The following PACS2 variants were observed in gnomAD, a reference collection of about 807,000 sequenced individuals.
PACS2 encodes PACS1-like protein.
Under a neutral mutation model 113.0 loss-of-function variants are expected in PACS2, and 36 were observed. That is an observed-to-expected ratio of 0.32 (90% CI 0.24 to 0.42). PACS2 has a LOEUF of 0.42. Among genes scored for constraint, PACS2 ranks in the 10% least tolerant of loss-of-function variants. The pLI is 1.00. For missense variants in PACS2, 1,015 were observed against 1,239.5 expected, an observed-to-expected ratio of 0.82 and a Z score of 2.72; for synonymous variants, 589 against 536.1, an observed-to-expected ratio of 1.10 and a Z score of -1.36.
Position 105,340,774 on chromosome 14 carries a change from G to T in PACS2, c.120-7719G>T, listed in dbSNP as rs1478495251. Among the ~76,000 whole-genome samples the T allele has an allele frequency of 1.3e-5, 2 of 152,340 alleles. No homozygotes were observed. Among genetic ancestry groups the T allele is most frequent in the East Asian group, 3.9e-4 (2 of 5,172 alleles). On this transcript the variant is annotated intron_variant, in intron 1 of 24. Coordinates refer to ENST00000447393, the MANE Select transcript of PACS2 (RefSeq NM_001100913.3). The surrounding 1 kb of genome is among the most constrained non-coding windows in gnomAD (Gnocchi z 4.2). Reference sequence around the variant, plus strand: ...GTGGTGCAGGTGTCCATGGTCCAGGGCTGGCCAGGGGCATCTCCTGTCCTG... The same window carrying T: ...GTGGTGCAGGTGTCCATGGTCCAGGTCTGGCCAGGGGCATCTCCTGTCCTG...
upstream of PACS2, among the ~76,000 whole-genome samples, chr14:105,313,335 C>T (rs2058403779): frequency 6.6e-6 from 1 of 152,236 alleles, no homozygotes; most frequent in Non-Finnish European, 1.5e-5. Flanking sequence ...TGGACATAGT[C>T]ACTTCTCCCC....
intron 1 of PACS2, among the ~76,000 whole-genome samples, chr14:105,307,539 C>A (rs587709684): frequency 6.6e-6 from 1 of 152,240 alleles, no homozygotes; most frequent in South Asian, 2.1e-4. Flanking sequence ...CTTTCAAAGG[C>A]GGTTGTCTCT....
At position 105,330,825 on chromosome 14, in the gene PACS2, G is replaced by A. The variant is rs587773351; in HGVS notation, c.119+15788G>A. 6.6e-6 allele frequency among the ~76,000 whole-genome samples: 1 copy of A among 152,324 alleles called. No homozygotes were observed. The highest frequency in any genetic ancestry group is 2.4e-5 in the African/African-American group (1 of 41,580). ...CCTCAAATCCTGCTTTTTGCCTTAAGTGCGTTCCCAATTCCATCTCTGTGC... is the reference window on the plus strand; with the variant it reads ...CCTCAAATCCTGCTTTTTGCCTTAAATGCGTTCCCAATTCCATCTCTGTGC... On this transcript the variant is annotated intron_variant, in intron 1 of 24. Transcript: ENST00000447393. This position sits in a 1 kb window ranked among gnomAD's most constrained non-coding sequence, Gnocchi z 6.9.
chr14:105,324,696 G>T lies in PACS2; in HGVS notation c.119+9659G>T, dbSNP rs1566903518. Among the ~76,000 whole-genome samples the T allele has an allele frequency of 6.6e-6, 1 of 152,214 alleles. No homozygotes were observed. Reference sequence around the variant, plus strand: ...CGTCAGCAGCTCCTCGAGGGCTCCGGCCTGTGGAGGCCGGTGGCGCCCCGT... The same window carrying T: ...CGTCAGCAGCTCCTCGAGGGCTCCGTCCTGTGGAGGCCGGTGGCGCCCCGT... On this transcript the variant is annotated intron_variant, in intron 1 of 24. Transcript: ENST00000447393. This position sits in a 1 kb window ranked among gnomAD's most constrained non-coding sequence, Gnocchi z 4.7.
Position 105,357,166 on chromosome 14 carries a change from C to A in PACS2, c.423+1989C>A, listed in dbSNP as rs912666112. ...GGTGCTTCTGTGTTTGACGTCCTTG[C>A]CCTGAATGCTGGCCTCTGCTCCCAG... On this transcript the variant is annotated intron_variant, in intron 4 of 24. Coordinates refer to ENST00000447393, the MANE Select transcript of PACS2 (RefSeq NM_001100913.3). This position sits in a 1 kb window ranked among gnomAD's most constrained non-coding sequence, Gnocchi z 5.1. Among the ~76,000 whole-genome samples, 2 of 152,180 alleles carry A rather than the reference C, an allele frequency of 1.3e-5. No individual in the cohort carries two copies. The highest frequency in any genetic ancestry group is 4.8e-5 in the African/African-American group (2 of 41,436).
At chr14:105,353,600 T>TTTTG (rs1468783034) in intron 3 of PACS2, among the ~76,000 whole-genome samples, 3 of 152,142 alleles carry the variant, frequency 2.0e-5, no homozygotes, top group Admixed American at 6.5e-5. Context: ...TTTCTTTGTT[T>TTTTG]TTTGTTTGTT....
intron 4 of PACS2, among the ~76,000 whole-genome samples, chr14:105,363,126 A>G (rs1438869383): frequency 6.6e-6 from 1 of 152,202 alleles, no homozygotes; most frequent in East Asian, 1.9e-4. Context: ...CAGAACACAG[A>G]CAGTCGACTT....
At position 105,340,286 on chromosome 14, in the gene PACS2, A is replaced by G. The variant is rs587770543; in HGVS notation, c.120-8207A>G. Reference sequence around the variant, plus strand: ...ATGGTTTGGTGATAACTGAACATTCATGTAGGAAATAAAATGCAATCACAA... The same window carrying G: ...ATGGTTTGGTGATAACTGAACATTCGTGTAGGAAATAAAATGCAATCACAA... On this transcript the variant is annotated intron_variant, in intron 1 of 24. Coordinates refer to ENST00000447393, the MANE Select transcript of PACS2 (RefSeq NM_001100913.3). The surrounding 1 kb of genome is among the most constrained non-coding windows in gnomAD (Gnocchi z 4.2). Among the ~76,000 whole-genome samples, 45 of 152,350 alleles carry G rather than the reference A, an allele frequency of 3.0e-4. No homozygotes were observed. The highest frequency in any genetic ancestry group is 6.8e-3 in the Middle Eastern group (2 of 294).
At position 105,356,085 on chromosome 14, in the gene PACS2, C is replaced by T. The variant is rs2060433386; in HGVS notation, c.423+908C>T. Among the ~76,000 whole-genome samples, 1 of 152,168 alleles carries T rather than the reference C, an allele frequency of 6.6e-6. No individual in the cohort carries two copies. Among genetic ancestry groups the T allele is most frequent in the Admixed American group, 6.5e-5 (1 of 15,280 alleles). ...CGGAGATGCCAGAGCCCCCCAGCCC[C>T]TCTTCTTCCCACTTTGTCCCCCTGC... On this transcript the variant is annotated intron_variant, in intron 4 of 24. Coordinates refer to ENST00000447393, the MANE Select transcript of PACS2 (RefSeq NM_001100913.3). The surrounding 1 kb of genome is among the most constrained non-coding windows in gnomAD (Gnocchi z 4.0).
rs587658791 is a variant in PACS2, at chr14:105,301,617, C to T, written c.-83+638C>T. ...CATTTGCGGCGTCCGCCGCTCCGCT[C>T]GCCCAGGTTCCAGAGCCTCCCCGTG... On this transcript the variant is annotated intron_variant, in intron 1 of 23. Transcript: ENST00000430725. Among the ~76,000 whole-genome samples, 11 of 152,374 alleles carry T rather than the reference C, an allele frequency of 7.2e-5. No individual in the cohort carries two copies. In the South Asian group the frequency reaches 1.9e-3, roughly 26 times the overall value.
rs1484249346 is a variant in PACS2, at chr14:105,329,215, G to A, written c.119+14178G>A. Among the ~76,000 whole-genome samples the A allele has an allele frequency of 6.6e-6, 1 of 152,210 alleles. No individual in the cohort carries two copies. The highest frequency in any genetic ancestry group is 1.5e-5 in the Non-Finnish European group (1 of 68,032). ...GAGGGTGTGTACGGGAGCAGGATGGGCTGCACAGAAGCCTTTCCGGGGGTG... is the reference window on the plus strand; with the variant it reads ...GAGGGTGTGTACGGGAGCAGGATGGACTGCACAGAAGCCTTTCCGGGGGTG... On this transcript the variant is annotated intron_variant, in intron 1 of 24. Transcript: ENST00000447393. This position sits in a 1 kb window ranked among gnomAD's most constrained non-coding sequence, Gnocchi z 6.4.
chr14:105,307,262 C>T (rs1283237496), intron 1 of PACS2, among the ~76,000 whole-genome samples: 2 of 152,090 alleles, frequency 1.3e-5, no homozygotes, highest in Non-Finnish European at 2.9e-5. Flanking sequence ...TGCCTCCTTT[C>T]ATCAGGCTCC....
chr14:105,302,844 G>C (rs1427539123), intron 1 of PACS2, among the ~76,000 whole-genome samples: 1 of 151,876 alleles, frequency 6.6e-6, no homozygotes, highest in Non-Finnish European at 1.5e-5. Context: ...TCTTCCCAAA[G>C]TGCTGGGATT....
intron 1 of PACS2, among the ~76,000 whole-genome samples, chr14:105,304,211 G>A (rs1469344678): frequency 6.6e-6 from 1 of 152,232 alleles, no homozygotes; most frequent in Non-Finnish European, 1.5e-5. Context: ...TGTGGTTTCA[G>A]CCAGGCTCGG....
chr14:105,380,377 C>T (rs1163452347), intron 11 of PACS2, among the ~76,000 whole-genome samples: 2 of 151,788 alleles, frequency 1.3e-5, no homozygotes, highest in African/African-American at 2.4e-5. Context: ...CTCACCCCAC[C>T]CTCAGGGTCA....
Position 105,366,046 on chromosome 14 carries a change from C to T in PACS2, c.424-1167C>T, listed in dbSNP as rs1160406249. On this transcript the variant is annotated intron_variant, in intron 4 of 24. Transcript: ENST00000447393. This position sits in a 1 kb window ranked among gnomAD's most constrained non-coding sequence, Gnocchi z 4.3. The stretch of plus-strand genomic sequence containing the variant: ...GAATTAGCAGCCCAAATCAGGACCC[C>T]ACAATCAAAATAAATCTGGTCGGCT... Among the ~76,000 whole-genome samples, 1 of 152,216 alleles carries T rather than the reference C, an allele frequency of 6.6e-6. No individual in the cohort carries two copies. Among genetic ancestry groups the T allele is most frequent in the Non-Finnish European group, 1.5e-5 (1 of 68,040 alleles).
intron 11 of PACS2, among the ~76,000 whole-genome samples, chr14:105,380,605 G>A (rs371049179): frequency 2.7e-5 from 4 of 145,676 alleles, no homozygotes; most frequent in East Asian, 2.1e-4. Flanking sequence ...CACCCCACCC[G>A]CAGGGTCAGG....
In PACS2 at chr14:105,396,138, T is replaced by G. The variant is rs1183252535; in HGVS notation, c.*1466T>G. ...GCTGAACAGGGTGATTTTGTTGTGG[T>G]GAGGGGCCAGGATGTGGCCTGGTGT... On this transcript the variant is annotated 3_prime_UTR_variant, in exon 25 of 25. Transcript: ENST00000447393. 6.6e-6 allele frequency: 1 copy of G among 152,214 alleles called. No homozygotes were observed. Among genetic ancestry groups the G allele is most frequent in the Non-Finnish European group, 1.5e-5 (1 of 68,138 alleles). 9.4% of individuals were successfully genotyped at this position (152,214 alleles called of 1,614,324 possible).
chr14:105,338,036 C>T (rs2059590450), intron 1 of PACS2, among the ~76,000 whole-genome samples: 1 of 152,218 alleles, frequency 6.6e-6, no homozygotes, highest in African/African-American at 2.4e-5. Context: ...CTCTGGCCTC[C>T]TCACCCATGG....
Sources: allele counts gnomAD v4.1 joint callset (sites outside exome capture counted in the v4.1 genomes callset), GRCh38; gene constraint gnomAD v4.1.1; non-coding constraint Gnocchi (gnomAD v3.1); transcripts MANE v1.5; gene names NCBI Gene and HGNC (gene_info 2026-07-23, HGNC 2026-07-21).